The following RNF220 variants were observed in gnomAD, a reference collection of about 807,000 sequenced individuals.
RNF220 encodes the protein E3 ubiquitin-protein ligase RNF220.
In RNF220, 7 loss-of-function variants were observed where a neutral mutation model predicts 67.1. The observed-to-expected ratio is 0.10, with a 90% CI of 0.06 to 0.20. The LOEUF is 0.20. Ranked by LOEUF, RNF220 falls within the 10% of genes least tolerant of loss-of-function variation. The pLI, the probability that RNF220 is intolerant of heterozygous loss-of-function variation, is 1.00. For synonymous variants in RNF220, 270 were observed against 283.2 expected (o/e 0.95, Z 0.47); for missense variants, 565 against 740.3 (o/e 0.76, Z 2.75).
chr1:44,582,993 C>A (rs1031032369), intron 2 of RNF220, among the ~76,000 whole-genome samples: 1 of 151,858 alleles, frequency 6.6e-6, no homozygotes, highest in South Asian at 2.1e-4. Flanking sequence ...GCAACAAGAG[C>A]AAAACTCCAT....
intron 2 of RNF220, among the ~76,000 whole-genome samples, chr1:44,484,654 A>T (rs747585659): frequency 6.6e-6 from 1 of 152,086 alleles, no homozygotes; most frequent in Non-Finnish European, 1.5e-5. Context: ...TCACATCTGG[A>T]GGAGGGTTCT....
intron 2 of RNF220, among the ~76,000 whole-genome samples, chr1:44,458,044 C>T (rs1016431208): frequency 5.3e-5 from 8 of 151,922 alleles, no homozygotes; most frequent in African/African-American, 1.9e-4. Flanking sequence ...ATTGCTTGAG[C>T]CTAGGAGTTT....
At chr1:44,411,567 A>G (rs1647962333) in intron 1 of RNF220, among the ~76,000 whole-genome samples, 2 of 152,164 alleles carry the variant, frequency 1.3e-5, no homozygotes. Context: ...TATAGGTAGA[A>G]TGTGGTCTCT....
intron 2 of RNF220, among the ~76,000 whole-genome samples, chr1:44,505,704 G>A (rs1658351687): frequency 6.6e-6 from 1 of 152,212 alleles, no homozygotes; most frequent in Non-Finnish European, 1.5e-5. Context: ...CTTCACTGCT[G>A]AGTGTTGGTC....
chr1:44,439,434 C>G (rs927245206), intron 2 of RNF220, among the ~76,000 whole-genome samples: 1 of 151,422 alleles, frequency 6.6e-6, no homozygotes, highest in Non-Finnish European at 1.5e-5. Flanking sequence ...GGATATTAAT[C>G]TTTTTTAATC....
chr1:44,506,943 A>G (rs138914800), intron 2 of RNF220, among the ~76,000 whole-genome samples: 303 of 152,192 alleles, frequency 2.0e-3, no homozygotes, highest in Non-Finnish European at 3.8e-3. Context: ...GTCTCAAATA[A>G]CCCATCATGC....
At chr1:44,454,032 A>G (rs543462974) in intron 2 of RNF220, among the ~76,000 whole-genome samples, 11 of 152,304 alleles carry the variant, frequency 7.2e-5, no homozygotes, top group African/African-American at 2.2e-4. Context: ...TGTATGAGAG[A>G]ATGAGAGGGA....
At chr1:44,632,159 C>G (rs920007314) in intron 5 of RNF220, 184 bp from the exon 6 acceptor site, 4 of 1,551,074 alleles carry the variant, frequency 2.6e-6, no homozygotes, top group Non-Finnish European at 3.5e-6. Flanking sequence ...GCGGCTATGC[C>G]GAGAGCCCGG....
At chr1:44,488,488 T>C (rs1033068530) in intron 2 of RNF220, among the ~76,000 whole-genome samples, 1 of 152,070 alleles carries the variant, frequency 6.6e-6, no homozygotes, top group African/African-American at 2.4e-5. Context: ...CATAATTTTT[T>C]ATTTTTACTA....
At chr1:44,465,950 G>T (rs1433825757) in intron 2 of RNF220, among the ~76,000 whole-genome samples, 2 of 152,116 alleles carry the variant, frequency 1.3e-5, no homozygotes, top group Non-Finnish European at 2.9e-5. Context: ...TGGCGTAGCT[G>T]TGGCAATTTC....
chr1:44,640,366 G>A (rs1644452214), intron 8 of RNF220, among the ~76,000 whole-genome samples: 1 of 152,236 alleles, frequency 6.6e-6, no homozygotes, highest in African/African-American at 2.4e-5. Flanking sequence ...CTGCTGCCTT[G>A]TGACTCCCTA....
chr1:44,582,665 G>A (rs1665387377), intron 2 of RNF220, among the ~76,000 whole-genome samples: 1 of 151,320 alleles, frequency 6.6e-6, no homozygotes, highest in African/African-American at 2.4e-5. Flanking sequence ...GCTGAGGCAG[G>A]AGAATTGATT....
At chr1:44,429,167 G>A (rs1232286788) in intron 2 of RNF220, among the ~76,000 whole-genome samples, 1 of 131,630 alleles carries the variant, frequency 7.6e-6, no homozygotes, top group Non-Finnish European at 1.8e-5. Flanking sequence ...TCCAACACTA[G>A]CTTAAAAAAA....
intron 2 of RNF220, among the ~76,000 whole-genome samples, chr1:44,452,921 A>G (rs946744334): frequency 8.5e-5 from 13 of 152,136 alleles, no homozygotes; most frequent in Admixed American, 7.2e-4. Flanking sequence ...TTGATCAGAA[A>G]CTCATTAAAT....
At chr1:44,628,474 T>C (rs765356645) in intron 5 of RNF220, among the ~76,000 whole-genome samples, 37 of 152,306 alleles carry the variant, frequency 2.4e-4, no homozygotes, top group Middle Eastern at 3.4e-3. Flanking sequence ...CCAATACCAC[T>C]TGGAGATCTC....
chr1:44,434,296 G>A (rs934127374), intron 2 of RNF220, among the ~76,000 whole-genome samples: 5 of 152,158 alleles, frequency 3.3e-5, no homozygotes, highest in Admixed American at 6.5e-5. Context: ...ATGAGATGGA[G>A]AGGAGCCAGA....
intron 2 of RNF220, among the ~76,000 whole-genome samples, chr1:44,511,736 T>C (rs1659011288): frequency 6.6e-6 from 1 of 152,178 alleles, no homozygotes; most frequent in Admixed American, 6.5e-5. Flanking sequence ...TGGAAAATCA[T>C]AGAAAGTAAA....
At chr1:44,632,005 G>T (rs1024182364) in intron 5 of RNF220, 7 of 1,022,082 alleles carry the variant, frequency 6.8e-6, no homozygotes, top group Non-Finnish European at 8.2e-6. Flanking sequence ...TGGAGCTGAA[G>T]TGCCGCCGCC....
At chr1:44,452,682 G>C (rs937588852) in intron 2 of RNF220, among the ~76,000 whole-genome samples, 9 of 151,930 alleles carry the variant, frequency 5.9e-5, no homozygotes, top group African/African-American at 9.7e-5. Flanking sequence ...TGTTGACCAG[G>C]CTGGTCTCGA....
Sources: gnomAD v4.1 joint callset for allele counts (sites outside exome capture counted in the v4.1 genomes callset) on GRCh38, gnomAD v4.1.1 for gene constraint, MANE v1.5 for transcripts, NCBI Gene and HGNC (gene_info 2026-07-23, HGNC 2026-07-21) for gene names.